The following LARGE1 variants were observed in gnomAD, a reference collection of about 807,000 sequenced individuals.
The protein encoded by LARGE1 is xylosyl- and glucuronyltransferase LARGE1.
Under a neutral mutation model 87.6 loss-of-function variants are expected in LARGE1, and 43 were observed. The ratio of observed to expected loss-of-function variants is 0.49; its 90% CI spans 0.38 to 0.63. The LOEUF is 0.63. LARGE1 is among the 30% of genes least tolerant of loss of function. The probability of loss-of-function intolerance (pLI) is 0.00; values close to 1 mark genes in which losing one functional copy is unlikely to be tolerated. For synonymous variants in LARGE1, 434 were observed against 394.6 expected (o/e 1.10, Z -1.18); for missense variants, 802 against 1,000.2 (o/e 0.80, Z 2.67).
In LARGE1 at chr22:33,548,887, T is replaced by C. The variant is rs569686324; in HGVS notation, c.787+15961A>G. ...TTGTGCTACCATGGGATATGACCTGTGGTCATTTTTGACATCTAAGCAGTA... is the reference window on the plus strand; with the variant it reads ...TTGTGCTACCATGGGATATGACCTGCGGTCATTTTTGACATCTAAGCAGTA... On this transcript the variant is annotated intron_variant, in intron 6 of 14. Transcript: ENST00000397394. Among the ~76,000 whole-genome samples, 90 of 152,376 alleles carry C rather than the reference T, an allele frequency of 5.9e-4. 1 individual carries two copies. Among genetic ancestry groups the C allele is most frequent in the African/African-American group, 1.8e-3 (76 of 41,600 alleles).
chr22:33,496,575 A>G (rs2070129842), intron 6 of LARGE1, among the ~76,000 whole-genome samples: 1 of 152,146 alleles, frequency 6.6e-6, no homozygotes, highest in African/African-American at 2.4e-5. Flanking sequence ...CAGAACTGTG[A>G]GAAATAAATT....
At chr22:33,253,728 C>T (rs1301198816) in intron 11 of LARGE1, among the ~76,000 whole-genome samples, 2 of 152,082 alleles carry the variant, frequency 1.3e-5, no homozygotes, top group East Asian at 1.9e-4. Flanking sequence ...AGCAGCACCT[C>T]GTGCAGCACT....
intron 11 of LARGE1, among the ~76,000 whole-genome samples, chr22:33,174,243 T>A (rs1922738474): frequency 6.6e-6 from 1 of 152,116 alleles, no homozygotes; most frequent in Non-Finnish European, 1.5e-5. Flanking sequence ...GAATAACTAC[T>A]GGGTAAATAA....
At chr22:33,298,143 A>C (rs1424445559) in intron 12 of LARGE1, among the ~76,000 whole-genome samples, 1 of 152,048 alleles carries the variant, frequency 6.6e-6, no homozygotes, top group Non-Finnish European at 1.5e-5. Flanking sequence ...TCATTTAGAG[A>C]CCTTCAGTGT....
rs149344805 is a variant in LARGE1 at position 33,848,163 on chromosome 22, C to T, written c.-83+71832G>A. Among the ~76,000 whole-genome samples, 9 of 152,200 alleles carry T rather than the reference C, an allele frequency of 5.9e-5. No homozygotes were observed. The East Asian group carries it at 1.2e-3, about 20-fold the overall frequency. On this transcript the variant is annotated intron_variant, in intron 1 of 14. Coordinates refer to ENST00000397394, the MANE Select transcript of LARGE1 (RefSeq NM_133642.5). ...GGCAGCGTATTTTTTTTGAGTCCTC[C>T]GTATTTCTTTTTTCTAGAATGCTGC...
Position 33,312,221 on chromosome 22 carries a change from A to G in LARGE1, c.1451+3864T>C, listed in dbSNP as rs118078604. On this transcript the variant is annotated intron_variant, in intron 11 of 14. Transcript: ENST00000397394. Reference sequence around the variant, plus strand: ...CACTTTGGGAGGCCAAGGTGGGCAGATCACGAAGTCAAGAGATTGAGACCA... The same window carrying G: ...CACTTTGGGAGGCCAAGGTGGGCAGGTCACGAAGTCAAGAGATTGAGACCA... Among the ~76,000 whole-genome samples the G allele has an allele frequency of 9.3e-3, 1,420 of 152,282 alleles. 5 individuals carry two copies. The highest frequency in any genetic ancestry group is 0.016 in the Non-Finnish European group (1,065 of 68,030).
the LARGE1 span, among the ~76,000 whole-genome samples, chr22:33,072,238 T>C: frequency 6.6e-6 from 1 of 152,198 alleles, no homozygotes; most frequent in Non-Finnish European, 1.5e-5. Context: ...AGTTAAGCTC[T>C]GTTTTATTTT....
At chr22:33,550,477 A>C (rs1422840530) in intron 6 of LARGE1, among the ~76,000 whole-genome samples, 1 of 152,222 alleles carries the variant, frequency 6.6e-6, no homozygotes, top group African/African-American at 2.4e-5. Context: ...AGTGTGAAAG[A>C]CAGCCCTTCC....
At chr22:33,389,178 T>C (rs912607872) in intron 7 of LARGE1, among the ~76,000 whole-genome samples, 2 of 152,240 alleles carry the variant, frequency 1.3e-5, no homozygotes, top group Admixed American at 1.3e-4. Context: ...GAGTGTATCA[T>C]GGCCAGACAG....
intron 6 of LARGE1, among the ~76,000 whole-genome samples, chr22:33,479,076 T>G (rs1343776364): frequency 6.6e-6 from 1 of 152,190 alleles, no homozygotes; most frequent in Non-Finnish European, 1.5e-5. Context: ...CCTGAATTCC[T>G]GAGGCCAACT....
chr22:33,411,458 A>G lies in LARGE1; in HGVS notation c.892+20703T>C, dbSNP rs548954164. Among the ~76,000 whole-genome samples the G allele has an allele frequency of 3.3e-5, 5 of 152,362 alleles. No homozygotes were observed. In the South Asian group the frequency reaches 1.0e-3, roughly 32 times the overall value. ...CAAATACACAGACTGTGTGCCTAAC[A>G]CAGAAAACAAACAAGCAAATCACAT... On this transcript the variant is annotated intron_variant, in intron 7 of 14. Transcript: ENST00000397394.
At chr22:33,398,280 C>A (rs1232192916) in intron 7 of LARGE1, among the ~76,000 whole-genome samples, 1 of 151,902 alleles carries the variant, frequency 6.6e-6, no homozygotes, top group Non-Finnish European at 1.5e-5. Flanking sequence ...CCAATGGCTT[C>A]AGGAAACTGA....
At chr22:33,371,015 AAATAT>A (rs1308542202) in intron 9 of LARGE1, among the ~76,000 whole-genome samples, 4 of 150,782 alleles carry the variant, frequency 2.7e-5, no homozygotes, top group Admixed American at 2.0e-4. Context: ...ATGTATAATG[AAATAT>A]AATATTCATA....
intron 1 of LARGE1, among the ~76,000 whole-genome samples, chr22:33,871,853 C>A (rs1299521667): frequency 1.3e-5 from 2 of 150,772 alleles, no homozygotes; most frequent in Non-Finnish European, 1.5e-5. Flanking sequence ...AATTGATGAC[C>A]TTCAGAAAAA....
intron 2 of LARGE1, among the ~76,000 whole-genome samples, chr22:33,722,828 C>T (rs967780535): frequency 3.9e-5 from 6 of 152,136 alleles, no homozygotes; most frequent in Non-Finnish European, 7.3e-5. Flanking sequence ...AAAAGGAACA[C>T]GTGCATTCAG....
At chr22:33,539,600 T>C (rs1349502116) in intron 6 of LARGE1, among the ~76,000 whole-genome samples, 4 of 151,984 alleles carry the variant, frequency 2.6e-5, no homozygotes, top group East Asian at 1.9e-4. Flanking sequence ...ACTTTTTTTT[T>C]TTTTTTTGAG....
chr22:33,338,597 C>T (rs118112730), intron 9 of LARGE1, among the ~76,000 whole-genome samples: 137 of 152,270 alleles, frequency 9.0e-4, no homozygotes, highest in Non-Finnish European at 1.8e-3. Flanking sequence ...CCAGCTAGGA[C>T]GTTGAATGAT....
the LARGE1 span, among the ~76,000 whole-genome samples, chr22:33,119,456 T>G: frequency 7.9e-5 from 12 of 152,282 alleles, no homozygotes; most frequent in East Asian, 2.3e-3. Context: ...TATTTGCCTG[T>G]TTTCCCCAAG....
intron 10 of LARGE1, among the ~76,000 whole-genome samples, chr22:33,328,719 C>G (rs573667928): frequency 4.6e-5 from 7 of 151,954 alleles, no homozygotes; most frequent in Non-Finnish European, 8.8e-5. Flanking sequence ...TGTGGAATAA[C>G]CTGGATATAT....
Sources: allele counts gnomAD v4.1 joint callset (sites outside exome capture counted in the v4.1 genomes callset), GRCh38; gene constraint gnomAD v4.1.1; transcripts MANE v1.5; gene names NCBI Gene and HGNC (gene_info 2026-07-23, HGNC 2026-07-21).